Variants in ACTR3C observed in about 807,000 individuals in gnomAD.
ACTR3C encodes actin related protein 3C, also known as actin-related protein 3C.
In ACTR3C, 18 loss-of-function variants were observed where a neutral mutation model predicts 26.3. That is an observed-to-expected ratio of 0.68 (90% confidence interval 0.47 to 1.01). The LOEUF (loss-of-function observed/expected upper bound fraction) is 1.01, where lower values mean the gene tolerates loss of function less well. Among genes scored for constraint, ACTR3C ranks in the 50% least tolerant of loss-of-function variants. The pLI, the probability that ACTR3C is intolerant of heterozygous loss-of-function variation, is 0.00. For missense variants in ACTR3C, 184 were observed against 250.7 expected (o/e 0.73, Z 1.80); for synonymous variants, 55 against 94.5 (o/e 0.58, Z 2.42).
the ACTR3C span, among the ~76,000 whole-genome samples, chr7:150,141,446 T>C: frequency 6.6e-6 from 1 of 151,812 alleles, no homozygotes; most frequent in African/African-American, 2.4e-5. Context: ...GAGCATGCTA[T>C]GTGCCAGGGA....
the ACTR3C span, among the ~76,000 whole-genome samples, chr7:150,059,141 C>G: frequency 6.6e-6 from 1 of 152,190 alleles, no homozygotes; most frequent in African/African-American, 2.4e-5. Context: ...CACTGCCTGG[C>G]TCTTGCACCA....
chr7:150,244,164 T>C (rs1253819403), downstream of ACTR3C: 322 of 58,478 alleles, frequency 5.5e-3, 1 homozygote, highest in Non-Finnish European at 8.3e-3. Flanking sequence ...TCTTAGAATA[T>C]TGAATATTCA....
the ACTR3C span, among the ~76,000 whole-genome samples, chr7:149,917,724 C>A: frequency 7.0e-6 from 1 of 142,596 alleles, no homozygotes; most frequent in Non-Finnish European, 1.5e-5. Flanking sequence ...GCAGCATTGA[C>A]CTCCTGGCCT....
At chr7:149,985,909 T>C in the ACTR3C span, among the ~76,000 whole-genome samples, 1 of 152,204 alleles carries the variant, frequency 6.6e-6, no homozygotes, top group East Asian at 1.9e-4. Flanking sequence ...CTGCCTCACA[T>C]GCACCCTCCT....
the ACTR3C span, among the ~76,000 whole-genome samples, chr7:150,108,113 T>C: frequency 1.3e-5 from 2 of 150,098 alleles, no homozygotes; most frequent in African/African-American, 5.0e-5. Flanking sequence ...GATTAGATGC[T>C]GGAGAGGAGA....
the ACTR3C span, among the ~76,000 whole-genome samples, chr7:149,947,065 G>A: frequency 1.3e-5 from 2 of 151,680 alleles, no homozygotes; most frequent in East Asian, 1.9e-4. Context: ...GTACCACGGT[G>A]GGGAGTGTCC....
the ACTR3C span, among the ~76,000 whole-genome samples, chr7:150,100,798 G>A: frequency 5.0e-4 from 76 of 151,218 alleles, 4 homozygotes; most frequent in African/African-American, 1.7e-3. Context: ...CCCCCTCCCC[G>A]GGCTCAAGCA....
the ACTR3C span, among the ~76,000 whole-genome samples, chr7:149,923,984 G>A: frequency 1.2e-4 from 18 of 151,514 alleles, no homozygotes; most frequent in African/African-American, 4.4e-4. Context: ...ACGACAGAGG[G>A]AGACTCAGTC....
the ACTR3C span, among the ~76,000 whole-genome samples, chr7:150,033,873 G>A: frequency 6.8e-6 from 1 of 147,844 alleles, no homozygotes; most frequent in Non-Finnish European, 1.5e-5. Context: ...GATCCTAAGA[G>A]CAAAGGGGGG....
At chr7:150,038,362 A>G in the ACTR3C span, among the ~76,000 whole-genome samples, 3 of 143,412 alleles carry the variant, frequency 2.1e-5, 1 homozygote, top group Non-Finnish European at 4.6e-5. Flanking sequence ...TCTGACGCAT[A>G]CAATGGAAAA....
At chr7:150,157,942 G>A in the ACTR3C span, among the ~76,000 whole-genome samples, 36 of 152,282 alleles carry the variant, frequency 2.4e-4, no homozygotes, top group Non-Finnish European at 4.0e-4. Flanking sequence ...TAAGGCACTA[G>A]AAAGCAGAGA....
chr7:150,172,480 G>A, the ACTR3C span, among the ~76,000 whole-genome samples: 2 of 150,402 alleles, frequency 1.3e-5, no homozygotes, highest in Non-Finnish European at 2.9e-5. Context: ...CCTCCTCCTG[G>A]GTCCCTCCTA....
At chr7:150,250,226 C>T (rs1248087752) in intron 6 of ACTR3C, among the ~76,000 whole-genome samples, 3 of 118,840 alleles carry the variant, frequency 2.5e-5, no homozygotes, top group African/African-American at 1.4e-4. Context: ...TTTTTTGAGA[C>T]GGAGTCTCGC....
the ACTR3C span, among the ~76,000 whole-genome samples, chr7:150,167,671 G>T: frequency 2.0e-5 from 3 of 150,694 alleles, no homozygotes; most frequent in African/African-American, 7.5e-5. Context: ...AGAATCTGAT[G>T]ATCACTTCTT....
the ACTR3C span, among the ~76,000 whole-genome samples, chr7:150,099,620 C>T: frequency 6.6e-6 from 1 of 151,610 alleles, no homozygotes; most frequent in Non-Finnish European, 1.5e-5. Context: ...ATGGAAGGAG[C>T]TGGGCAGCAT....
chr7:149,908,618 A>G, the ACTR3C span, among the ~76,000 whole-genome samples: 24 of 152,334 alleles, frequency 1.6e-4, no homozygotes, highest in African/African-American at 5.5e-4. Context: ...CTGTTATTAC[A>G]ACATCGTGGC....
chr7:150,299,487 A>C (rs1237982563), intron 1 of ACTR3C, among the ~76,000 whole-genome samples: 21 of 143,716 alleles, frequency 1.5e-4, no homozygotes, highest in African/African-American at 3.6e-4. Flanking sequence ...AAAAAAAAAA[A>C]AAAAAAACAA....
the ACTR3C span, among the ~76,000 whole-genome samples, chr7:149,893,781 A>C: frequency 6.6e-6 from 1 of 152,266 alleles, no homozygotes; most frequent in African/African-American, 2.4e-5. Context: ...ATTTCTGATG[A>C]AAGTACGACT....
At chr7:149,943,720 G>A in the ACTR3C span, among the ~76,000 whole-genome samples, 1 of 151,430 alleles carries the variant, frequency 6.6e-6, no homozygotes, top group African/African-American at 2.4e-5. Flanking sequence ...ATAAAATAAA[G>A]TAAAAGTAAC....
Sources: gnomAD v4.1 joint callset for allele counts (sites outside exome capture counted in the v4.1 genomes callset) on GRCh38, gnomAD v4.1.1 for gene constraint, MANE v1.5 for transcripts, NCBI Gene and HGNC (gene_info 2026-07-23, HGNC 2026-07-21) for gene names.